FAM219A: variants seen among roughly 807,000 people sequenced by gnomAD.
The protein encoded by FAM219A is protein FAM219A.
A neutral mutation model predicts 23.4 loss-of-function variants in FAM219A; 7 were observed. The ratio of observed to expected loss-of-function variants is 0.30; its 90% confidence interval spans 0.17 to 0.56. The LOEUF is 0.56. Among genes scored for constraint, FAM219A ranks in the 20% least tolerant of loss-of-function variants. The pLI is 0.92. For synonymous variants in FAM219A, 93 were observed against 99.0 expected, an observed-to-expected ratio of 0.94 and a Z score of 0.36; for missense variants, 166 against 246.9, an observed-to-expected ratio of 0.67 and a Z score of 2.20.
chr9:34,440,330 G>A (rs897128706), intron 1 of FAM219A, among the ~76,000 whole-genome samples: 1 of 152,200 alleles, frequency 6.6e-6, no homozygotes, highest in Non-Finnish European at 1.5e-5. Context: ...CCAGACCTAA[G>A]GGTGGGTACA....
rs1821403590 is a variant in FAM219A at position 34,401,012 on chromosome 9, C to T, written c.510G>A (p.Thr170=). The change falls in exon 6 of 6, where the codon ACG becomes ACA. Residue 170 remains threonine, a synonymous_variant. Coordinates refer to ENST00000651358, the MANE Select transcript of FAM219A (RefSeq NM_001184940.2). ...AGGACGTGGCCTGGCAGCACATGCA[C>T]GTGGGGTTCACGGACTTGGGGGGGA... ...DLIPPKSVNP[T]CMCCQATSST... 5.7e-6 allele frequency: 9 copies of T among 1,592,230 alleles called. No individual in the cohort carries two copies. Among genetic ancestry groups the T allele is most frequent in the Non-Finnish European group, 7.7e-6 (9 of 1,166,918 alleles).
Position 34,458,264 on chromosome 9 carries a change from G to A in FAM219A, c.-1C>T. 2 of 1,551,376 alleles carry A rather than the reference G, an allele frequency of 1.3e-6. No homozygotes were observed. On this transcript the variant is annotated 5_prime_UTR_variant, in exon 1 of 6. Transcript: ENST00000651358. The surrounding 1 kb of genome is among the most constrained non-coding windows in gnomAD (Gnocchi z 6.6). ...GGAACCGGTCGATCTCCTCCATCAT[G>A]GTGCCGGCGGGCGAGCGGGCCAGGG...
intron 1 of FAM219A, among the ~76,000 whole-genome samples, chr9:34,422,023 C>G (rs1468582996): frequency 6.6e-6 from 1 of 152,194 alleles, no homozygotes; most frequent in African/African-American, 2.4e-5. Context: ...GCCCTCCACC[C>G]TGACCTTAAC....
intron 5 of FAM219A, 115 bp downstream of exon 5, chr9:34,401,551 C>G: frequency 8.0e-7 from 1 of 1,242,256 alleles, no homozygotes; most frequent in Non-Finnish European, 1.1e-6. Context: ...CAGGGCACCA[C>G]CCAGCCTTGC....
At chr9:34,430,735 G>A (rs1047928776) in intron 1 of FAM219A, among the ~76,000 whole-genome samples, 2 of 151,636 alleles carry the variant, frequency 1.3e-5, no homozygotes, top group South Asian at 2.1e-4. Context: ...CCAGCTACCC[G>A]GGAGGCTGAG....
At chr9:34,454,319 C>T (rs192038341) in intron 1 of FAM219A, among the ~76,000 whole-genome samples, 15 of 152,294 alleles carry the variant, frequency 9.8e-5, no homozygotes, top group African/African-American at 3.6e-4. Context: ...GCCTGTAGTC[C>T]CAGCTATTCA....
intron 1 of FAM219A, among the ~76,000 whole-genome samples, chr9:34,424,571 G>A (rs1822389156): frequency 6.6e-6 from 1 of 152,088 alleles, no homozygotes; most frequent in African/African-American, 2.4e-5. Flanking sequence ...CTTAGTTTTG[G>A]CCTATCGTCC....
At chr9:34,401,774 T>C (rs1342864938) in intron 4 of FAM219A, 54 bp from the exon 5 acceptor site, 1 of 1,568,652 alleles carries the variant, frequency 6.4e-7, no homozygotes, top group East Asian at 2.3e-5. Flanking sequence ...CATAGAAAAC[T>C]CTCTGCAATC....
chr9:34,405,878 GA>G lies in FAM219A; in HGVS notation c.146del (p.Leu49ProfsTer3), dbSNP rs765127114. On this transcript the variant is annotated frameshift_variant, in exon 2 of 6. Coordinates refer to ENST00000651358, the MANE Select transcript of FAM219A (RefSeq NM_001184940.2). LOFTEE classifies it high-confidence loss of function. ...SVAMNYKPSP[L>X]QVKLEKQREL... ...AGACACACTCACCCAGCTTCACTTGGAGCGGGGATGGTTTGTAATTCATGGC... is the reference window on the plus strand; with the variant it reads ...AGACACACTCACCCAGCTTCACTTGGGCGGGGATGGTTTGTAATTCATGGC... 4 of 1,613,990 alleles carry G rather than the reference GA, an allele frequency of 2.5e-6. No individual in the cohort carries two copies. The highest frequency in any genetic ancestry group is 8.5e-7 in the Non-Finnish European group (1 of 1,179,944).
intron 1 of FAM219A, among the ~76,000 whole-genome samples, chr9:34,429,152 C>T (rs1275349237): frequency 1.3e-5 from 2 of 152,182 alleles, no homozygotes; most frequent in Non-Finnish European, 2.9e-5. Flanking sequence ...CTGGTTGGCA[C>T]TAGAAGAGGG....
chr9:34,398,598 T>C lies in FAM219A; in HGVS notation c.*2366A>G. 1 of 562,744 alleles carries C rather than the reference T, an allele frequency of 1.8e-6. No homozygotes were observed. The allele number at this position is 562,744 out of a possible 1,614,324, so 34.9% of individuals were successfully genotyped here. A position where few individuals can be genotyped will look rare whatever the true frequency, so the allele number is the denominator to read the frequency against. On this transcript the variant is annotated 3_prime_UTR_variant, in exon 6 of 6. Coordinates refer to ENST00000651358, the MANE Select transcript of FAM219A (RefSeq NM_001184940.2). ...AGTATGTCCTGTGGGGGGGGAGATT[T>C]TCCCTGGTGTCTCAGGGCCACAGAG...
At chr9:34,424,930 G>A (rs926545024) in intron 1 of FAM219A, among the ~76,000 whole-genome samples, 3 of 152,002 alleles carry the variant, frequency 2.0e-5, no homozygotes, top group Non-Finnish European at 4.4e-5. Flanking sequence ...TTAGCCTCCC[G>A]AGGAACTAGG....
intron 1 of FAM219A, among the ~76,000 whole-genome samples, chr9:34,425,428 C>T (rs1319828947): frequency 3.9e-5 from 6 of 152,004 alleles, no homozygotes; most frequent in Non-Finnish European, 8.8e-5. Context: ...TGCAGTGAGC[C>T]GAGATCGTGC....
In FAM219A at chr9:34,456,054, G is replaced by A. The variant is rs149251808; in HGVS notation, c.60+2150C>T. On this transcript the variant is annotated intron_variant, in intron 1 of 5. Transcript: ENST00000651358. The stretch of plus-strand genomic sequence containing the variant: ...CTAAAAATACAAAAATTAGCCATGC[G>A]TGGTGGCAGGGGCCTATAATCCCAG... 1.4e-4 allele frequency among the ~76,000 whole-genome samples: 21 copies of A among 152,242 alleles called. No individual in the cohort carries two copies. The East Asian group carries it at 1.9e-3, about 14-fold the overall frequency.
intron 1 of FAM219A, among the ~76,000 whole-genome samples, chr9:34,449,577 G>C (rs141364123): frequency 6.6e-6 from 1 of 152,290 alleles, no homozygotes; most frequent in African/African-American, 2.4e-5. Flanking sequence ...GGGCAAAATG[G>C]TGTGGGTTAT....
At chr9:34,428,881 C>T (rs375349040) in intron 1 of FAM219A, among the ~76,000 whole-genome samples, 1 of 152,236 alleles carries the variant, frequency 6.6e-6, no homozygotes, top group Admixed American at 6.5e-5. Flanking sequence ...CTGCTGGAAG[C>T]TGGAATGTGC....
intron 1 of FAM219A, among the ~76,000 whole-genome samples, chr9:34,418,276 A>C (rs1822111240): frequency 1.3e-5 from 2 of 152,176 alleles, no homozygotes; most frequent in Admixed American, 1.3e-4. Context: ...ATGATTTAGA[A>C]TCCTGCTCTG....
At chr9:34,428,293 A>G (rs1822561258) in intron 1 of FAM219A, among the ~76,000 whole-genome samples, 1 of 152,236 alleles carries the variant, frequency 6.6e-6, no homozygotes, top group Admixed American at 6.5e-5. Context: ...AAAATGCAAG[A>G]AACCTCCTGG....
rs369809388 is a variant in FAM219A at position 34,436,516 on chromosome 9, G to A, written c.60+21688C>T. Among the ~76,000 whole-genome samples, 11 of 152,310 alleles carry A rather than the reference G, an allele frequency of 7.2e-5. No individual in the cohort carries two copies. In the East Asian group the frequency reaches 1.9e-3, roughly 27 times the overall value. On this transcript the variant is annotated intron_variant, in intron 1 of 5. Coordinates refer to ENST00000651358, the MANE Select transcript of FAM219A (RefSeq NM_001184940.2). Reference sequence around the variant, plus strand: ...CCACCTCGGCCTCCCAAAGTGCTGGGATTATAGGTGTGAGCCACAGAGCCT... The same window carrying A: ...CCACCTCGGCCTCCCAAAGTGCTGGAATTATAGGTGTGAGCCACAGAGCCT...
Sources: gnomAD v4.1 joint callset for allele counts (sites outside exome capture counted in the v4.1 genomes callset) on GRCh38, gnomAD v4.1.1 for gene constraint, Gnocchi (gnomAD v3.1) non-coding constraint, MANE v1.5 for transcripts, NCBI Gene and HGNC (gene_info 2026-07-23, HGNC 2026-07-21) for gene names.